The following SUMF1 variants were observed in gnomAD, a reference collection of about 807,000 sequenced individuals.
SUMF1 encodes the protein formylglycine-generating enzyme.
In SUMF1, 48 loss-of-function variants were observed where a neutral mutation model predicts 47.6. The ratio of observed to expected loss-of-function variants is 1.01; its 90% CI spans 0.80 to 1.28. SUMF1 has a LOEUF of 1.28. Among genes scored for constraint, SUMF1 ranks in the 50% most tolerant of loss-of-function variants. SUMF1 has a pLI of 0.00. For synonymous variants in SUMF1, 230 were observed against 192.1 expected (o/e 1.20, Z -1.63); for missense variants, 571 against 485.4 (o/e 1.18, Z -1.66).
Position 4,245,050 on chromosome 3 carries a change from G to A in SUMF1, c.1014+131280C>T, listed in dbSNP as rs114269959. On this transcript the variant is annotated intron_variant and NMD_transcript_variant, in intron 8 of 12. Coordinates refer to the SUMF1 transcript ENST00000448413. Reference sequence around the variant, plus strand: ...GTGTTGGCTACTGAAGCTTGTGTATGCTTCAAAAAGTTCTTGTACTGTGGT... The same window carrying A: ...GTGTTGGCTACTGAAGCTTGTGTATACTTCAAAAAGTTCTTGTACTGTGGT... Among the ~76,000 whole-genome samples the A allele has an allele frequency of 6.9e-3, 1,048 of 151,906 alleles. 11 individuals are homozygous for A. The highest frequency in any genetic ancestry group is 0.024 in the African/African-American group (992 of 41,394).
At chr3:4,079,464 A>G (rs573797539) in intron 8 of SUMF1, among the ~76,000 whole-genome samples, 10 of 152,074 alleles carry the variant, frequency 6.6e-5, no homozygotes, top group Admixed American at 5.9e-4. Context: ...GCAGAAGCTC[A>G]TATGCTGTCC....
chr3:4,466,465 AG>A (rs1033188303), intron 1 of SUMF1, among the ~76,000 whole-genome samples: 5 of 152,186 alleles, frequency 3.3e-5, no homozygotes, highest in Non-Finnish European at 5.9e-5. Context: ...TAAGCAAGAC[AG>A]ATAAATAATA....
intron 8 of SUMF1, among the ~76,000 whole-genome samples, chr3:4,228,295 A>C (rs1198138278): frequency 2.0e-5 from 3 of 152,084 alleles, no homozygotes; most frequent in Non-Finnish European, 2.9e-5. Context: ...TCCACATACC[A>C]AGCCACCCTA....
At chr3:4,366,481 G>C (rs1184705352) in intron 8 of SUMF1, among the ~76,000 whole-genome samples, 1 of 150,938 alleles carries the variant, frequency 6.6e-6, no homozygotes, top group Non-Finnish European at 1.5e-5. Context: ...TTCCATCACT[G>C]ATACCCTTTC....
intron 8 of SUMF1, among the ~76,000 whole-genome samples, chr3:4,118,113 G>C (rs908758782): frequency 6.6e-6 from 1 of 151,992 alleles, no homozygotes; most frequent in Non-Finnish European, 1.5e-5. Flanking sequence ...GAATTCATTT[G>C]CATAAGTAAA....
At chr3:4,211,798 T>G (rs926082908) in intron 8 of SUMF1, among the ~76,000 whole-genome samples, 1 of 152,114 alleles carries the variant, frequency 6.6e-6, no homozygotes, top group African/African-American at 2.4e-5. Context: ...TTTATGCTCA[T>G]AGTGTAAACA....
At chr3:4,275,496 C>T (rs1471936361) in intron 8 of SUMF1, among the ~76,000 whole-genome samples, 1 of 152,128 alleles carries the variant, frequency 6.6e-6, no homozygotes, top group Admixed American at 6.5e-5. Context: ...AAACCTTTCC[C>T]AGAACTCCCC....
At chr3:4,357,205 TA>T (rs1699638681), downstream of SUMF1, among the ~76,000 whole-genome samples, 1 of 151,750 alleles carries the variant, frequency 6.6e-6, no homozygotes, top group Non-Finnish European at 1.5e-5. Flanking sequence ...GCTAAATATT[TA>T]AAAAAGAAAA....
At chr3:4,303,317 T>C in intron 8 of SUMF1, 5 of 1,464,750 alleles carry the variant, frequency 3.4e-6, no homozygotes, top group Non-Finnish European at 4.5e-6. Flanking sequence ...AGTCCCAGCA[T>C]CCACCGCGCG....
chr3:4,286,041 G>A (rs1697626537), intron 8 of SUMF1, among the ~76,000 whole-genome samples: 1 of 152,038 alleles, frequency 6.6e-6, no homozygotes, highest in Non-Finnish European at 1.5e-5. Context: ...CAGTAAGAAT[G>A]TATTGCACAT....
intron 8 of SUMF1, among the ~76,000 whole-genome samples, chr3:4,119,377 T>G (rs1043858995): frequency 2.0e-5 from 3 of 152,106 alleles, no homozygotes; most frequent in African/African-American, 7.3e-5. Flanking sequence ...TTGGAGGCCT[T>G]TGCAGTTTGA....
At chr3:4,349,573 T>C (rs1038624207) in intron 8 of SUMF1, among the ~76,000 whole-genome samples, 6 of 152,118 alleles carry the variant, frequency 3.9e-5, no homozygotes, top group African/African-American at 1.4e-4. Flanking sequence ...AGCAAAGACA[T>C]GGAACCAACC....
chr3:4,181,893 C>T (rs1695104397), intron 8 of SUMF1, among the ~76,000 whole-genome samples: 1 of 152,064 alleles, frequency 6.6e-6, no homozygotes, highest in Admixed American at 6.5e-5. Flanking sequence ...TGCTGATTGG[C>T]TGTCTGTGCT....
intron 8 of SUMF1, among the ~76,000 whole-genome samples, chr3:4,170,714 A>G (rs1694814688): frequency 6.6e-6 from 1 of 152,190 alleles, no homozygotes; most frequent in South Asian, 2.1e-4. Flanking sequence ...CAAGGTGAAA[A>G]GATAATTCAG....
chr3:4,085,549 T>G (rs1270058099), intron 8 of SUMF1, among the ~76,000 whole-genome samples: 2 of 152,132 alleles, frequency 1.3e-5, no homozygotes, highest in African/African-American at 4.8e-5. Flanking sequence ...TGTTAAATTG[T>G]GAATAGTCCC....
At chr3:4,172,096 A>G (rs1694844267) in intron 8 of SUMF1, among the ~76,000 whole-genome samples, 1 of 152,218 alleles carries the variant, frequency 6.6e-6, no homozygotes, top group Non-Finnish European at 1.5e-5. Context: ...CAAATAAGAC[A>G]GTAGCCAATG....
chr3:4,074,820 C>T (rs984934092), intron 8 of SUMF1, among the ~76,000 whole-genome samples: 13 of 151,966 alleles, frequency 8.6e-5, no homozygotes, highest in Non-Finnish European at 1.9e-4. Flanking sequence ...AGACCAATGA[C>T]CTGAAATGCT....
intron 8 of SUMF1, among the ~76,000 whole-genome samples, chr3:4,250,136 T>C (rs891166011): frequency 5.3e-5 from 8 of 151,368 alleles, no homozygotes; most frequent in African/African-American, 1.9e-4. Flanking sequence ...GAAGCCAAGA[T>C]TGTGCCATTG....
chr3:4,192,689 T>A (rs906191846), intron 8 of SUMF1, among the ~76,000 whole-genome samples: 2 of 152,158 alleles, frequency 1.3e-5, no homozygotes, highest in African/African-American at 4.8e-5. Flanking sequence ...TAACTCAGGA[T>A]GGGTCAAAGA....
Sources: gnomAD v4.1 joint callset for allele counts (sites outside exome capture counted in the v4.1 genomes callset) on GRCh38, gnomAD v4.1.1 for gene constraint, MANE v1.5 for transcripts, NCBI Gene and HGNC (gene_info 2026-07-23, HGNC 2026-07-21) for gene names.